TRDN: variants seen among roughly 807,000 people sequenced by gnomAD.
TRDN encodes the protein triadin.
A neutral mutation model predicts 149.7 loss-of-function variants in TRDN; 161 were observed. The observed-to-expected ratio is 1.08, with a 90% CI of 0.95 to 1.23. The LOEUF (loss-of-function observed/expected upper bound fraction) is 1.23, where lower values mean the gene tolerates loss of function less well. Among genes scored for constraint, TRDN ranks in the 50% most tolerant of loss-of-function variants. TRDN has a pLI of 0.00. For synonymous variants in TRDN, 294 were observed against 250.5 expected, an observed-to-expected ratio of 1.17 and a Z score of -1.64; for missense variants, 896 against 823.5, an observed-to-expected ratio of 1.09 and a Z score of -1.08.
chr6:123,330,670 A>G (rs558547382), intron 23 of TRDN, among the ~76,000 whole-genome samples: 56 of 152,062 alleles, frequency 3.7e-4, no homozygotes, highest in East Asian at 1.5e-3. Context: ...TGGGGCTGAG[A>G]AAAAAAATCA....
At position 123,290,743 on chromosome 6, in the gene TRDN, T is replaced by C. The variant is rs1777980758; in HGVS notation, c.1511-11661A>G. 2.6e-5 allele frequency among the ~76,000 whole-genome samples: 4 copies of C among 152,188 alleles called. No homozygotes were observed. In the South Asian group the frequency reaches 8.3e-4, roughly 32 times the overall value. On this transcript the variant is annotated intron_variant, in intron 24 of 40. Transcript: ENST00000334268. ...GTTTATATAAAATGTGCCAAAGAAA[T>C]ATATCCTTTATTTGGAAAAAATAAT...
chr6:123,522,540 G>C (rs12193176), intron 5 of TRDN, among the ~76,000 whole-genome samples: 15 of 113,158 alleles, frequency 1.3e-4, no homozygotes, highest in African/African-American at 1.5e-4. Flanking sequence ...TTTTTTTTTT[G>C]CATTTTCCAA....
chr6:123,355,430 A>G (rs1256772375), intron 20 of TRDN, among the ~76,000 whole-genome samples: 1 of 151,658 alleles, frequency 6.6e-6, no homozygotes, highest in South Asian at 2.1e-4. Flanking sequence ...TAGCAGTACA[A>G]TCCACTGAAT....
chr6:123,395,389 T>C lies in TRDN; in HGVS notation c.1052-1712A>G, dbSNP rs374836919. ...TGTCAGCTGCTTTCTCCCTCAGCGGTCAGGTTCAGAAACATGCCCCTGAGT... is the reference window on the plus strand; with the variant it reads ...TGTCAGCTGCTTTCTCCCTCAGCGGCCAGGTTCAGAAACATGCCCCTGAGT... On this transcript the variant is annotated intron_variant, in intron 12 of 40. Transcript: ENST00000334268. Among the ~76,000 whole-genome samples the C allele has an allele frequency of 3.3e-5, 5 of 152,214 alleles. No individual in the cohort carries two copies. In the East Asian group the frequency reaches 5.8e-4, roughly 18 times the overall value.
intron 14 of TRDN, 56 bp downstream of exon 14, chr6:123,388,466 G>A (rs1306344144): frequency 6.4e-7 from 1 of 1,556,386 alleles, no homozygotes; most frequent in Non-Finnish European, 8.7e-7. Context: ...ACCCAACTCA[G>A]GATATTGGTA....
intron 1 of TRDN, among the ~76,000 whole-genome samples, chr6:123,585,965 T>C (rs944712288): frequency 1.6e-4 from 24 of 152,084 alleles, no homozygotes; most frequent in Non-Finnish European, 2.6e-4. Flanking sequence ...GGAGTTTTAT[T>C]TAATGTCGGG....
At chr6:123,241,149 T>C (rs1358113708) in intron 38 of TRDN, among the ~76,000 whole-genome samples, 1 of 151,522 alleles carries the variant, frequency 6.6e-6, no homozygotes, top group African/African-American at 2.4e-5. Context: ...CAAATGGGAA[T>C]GACATACTTA....
intron 19 of TRDN, among the ~76,000 whole-genome samples, chr6:123,369,999 G>C (rs1384178320): frequency 6.6e-6 from 1 of 152,018 alleles, no homozygotes; most frequent in African/African-American, 2.4e-5. Context: ...TACACTCAAT[G>C]TCACCACTTC....
rs1783215207 is a variant in TRDN at position 123,583,062 on chromosome 6, G to A, written c.23-11930C>T. ...AACAGGTATAAAAGGTCTAAGAATT[G>A]GGATGACTCAGGACATCTGCTTAGA... On this transcript the variant is annotated intron_variant, in intron 1 of 40. Coordinates refer to ENST00000334268, the MANE Select transcript of TRDN (RefSeq NM_006073.4). Among the ~76,000 whole-genome samples, 12 of 152,148 alleles carry A rather than the reference G, an allele frequency of 7.9e-5. No homozygotes were observed. In the South Asian group the frequency reaches 2.5e-3, roughly 32 times the overall value.
chr6:123,366,463 C>T (rs772892700), intron 19 of TRDN, among the ~76,000 whole-genome samples: 6 of 152,004 alleles, frequency 3.9e-5, no homozygotes, highest in Non-Finnish European at 7.4e-5. Flanking sequence ...GACTTTAGAT[C>T]AATAGTTCTT....
In TRDN at chr6:123,349,919, T is replaced by C. The variant is rs1461106525; in HGVS notation, c.1369+2620A>G. The C allele has an allele frequency of 5.1e-6, 5 of 983,312 alleles. No individual in the cohort carries two copies. The African/African-American group carries it at 5.3e-5, about 10-fold the overall frequency. 60.9% of individuals were successfully genotyped at this position (983,312 alleles called of 1,614,324 possible). Reference sequence around the variant, plus strand: ...GGTGTTGTGACAACGTAAAACACTATTACAATTATGTAGGGAACCATTGTT... The same window carrying C: ...GGTGTTGTGACAACGTAAAACACTACTACAATTATGTAGGGAACCATTGTT... On this transcript the variant is annotated intron_variant, in intron 21 of 40. Coordinates refer to ENST00000334268, the MANE Select transcript of TRDN (RefSeq NM_006073.4).
intron 33 of TRDN, 44 bp downstream of exon 33, chr6:123,265,274 C>T: frequency 7.4e-7 from 1 of 1,351,796 alleles, no homozygotes; most frequent in Non-Finnish European, 9.9e-7. Flanking sequence ...GAAATTAAAA[C>T]AATGAAATAG....
At chr6:123,533,850 A>C (rs2114357462) in intron 4 of TRDN, among the ~76,000 whole-genome samples, 1 of 152,218 alleles carries the variant, frequency 6.6e-6, no homozygotes, top group South Asian at 2.1e-4. Context: ...GCTTCATAAT[A>C]AGTTTTACTT....
intron 1 of TRDN, among the ~76,000 whole-genome samples, chr6:123,589,456 C>T (rs755697781): frequency 5.3e-5 from 8 of 152,118 alleles, no homozygotes; most frequent in Non-Finnish European, 7.4e-5. Context: ...AACAGAAAAG[C>T]CTTGAGTAAT....
chr6:123,268,673 G>A (rs1439306007), intron 31 of TRDN, among the ~76,000 whole-genome samples: 1 of 151,934 alleles, frequency 6.6e-6, no homozygotes, highest in Admixed American at 6.6e-5. Flanking sequence ...ACTGAAGTAG[G>A]TGGGAAGATG....
chr6:123,370,674 C>T (rs6941489), intron 19 of TRDN, among the ~76,000 whole-genome samples: 141,307 of 152,182 alleles, frequency 0.93, 65,665 homozygotes, highest in East Asian at 0.99. Flanking sequence ...CAGCAGCATA[C>T]GTGAGAGTTT....
intron 21 of TRDN, chr6:123,351,405 C>G: frequency 4.1e-6 from 4 of 984,866 alleles, no homozygotes; most frequent in Non-Finnish European, 4.8e-6. Flanking sequence ...AATTAGGATC[C>G]AGTGCTCCCA....
At chr6:123,369,173 C>T (rs1364690971) in intron 19 of TRDN, among the ~76,000 whole-genome samples, 2 of 152,140 alleles carry the variant, frequency 1.3e-5, no homozygotes, top group African/African-American at 2.4e-5. Context: ...AGCTGCGTTG[C>T]TGCAATTTCT....
rs905536694 is a variant in TRDN at position 123,473,394 on chromosome 6, A to G, written c.854-8411T>C. ...TGAAGCGAGAAGGGAAGTTTAGAGA[A>G]AAAAGAATAAAAAGAAGTGAGCAAA... is the stretch of plus-strand genomic sequence containing the variant. On this transcript the variant is annotated intron_variant, in intron 9 of 40. Transcript: ENST00000334268. Among the ~76,000 whole-genome samples, 495 of 151,822 alleles carry G rather than the reference A, an allele frequency of 3.3e-3. 2 individuals carry two copies. The highest frequency in any genetic ancestry group is 0.012 in the African/African-American group (484 of 41,478).
Sources: allele counts gnomAD v4.1 joint callset (sites outside exome capture counted in the v4.1 genomes callset), GRCh38; gene constraint gnomAD v4.1.1; transcripts MANE v1.5; gene names NCBI Gene and HGNC (gene_info 2026-07-23, HGNC 2026-07-21).